ARID1B: variants seen among roughly 807,000 people sequenced by gnomAD.
ARID1B encodes AT-rich interaction domain 1B.
A neutral mutation model predicts 212.3 loss-of-function variants in ARID1B; 30 were observed. The ratio of observed to expected loss-of-function variants is 0.14; its 90% CI spans 0.11 to 0.19. The LOEUF is 0.19. ARID1B is among the 10% of genes least tolerant of loss of function. ARID1B has a pLI of 1.00. For synonymous variants in ARID1B, 1,402 were observed against 1,301.7 expected (o/e 1.08, Z -1.66); for missense variants, 2,891 against 3,204.0 (o/e 0.90, Z 2.36).
At chr6:157,142,795 C>G (rs2128614423) in intron 7 of ARID1B, among the ~76,000 whole-genome samples, 1 of 152,230 alleles carries the variant, frequency 6.6e-6, no homozygotes, top group East Asian at 1.9e-4. Flanking sequence ...CTTTTTTCCA[C>G]AAGGGTAAGA....
chr6:156,980,704 T>A (rs746419766), intron 4 of ARID1B, among the ~76,000 whole-genome samples: 1 of 151,442 alleles, frequency 6.6e-6, no homozygotes, highest in African/African-American at 2.4e-5. Flanking sequence ...ATCCCTGGAG[T>A]GGAGGGACGG....
chr6:156,814,836 C>T (rs888166529), intron 1 of ARID1B, among the ~76,000 whole-genome samples: 3 of 152,064 alleles, frequency 2.0e-5, no homozygotes, highest in Non-Finnish European at 4.4e-5. Flanking sequence ...ATTAAAAATC[C>T]CCTTTCATCC....
rs1778911462 is a variant in ARID1B, at chr6:156,778,856, C to T, written c.1176C>T (p.Gly392=). ...ACAGCCGGCCCGGCGCGGGCGGCGG[C>T]GGCGGCGGCGGCGGCGGAGGAGGAG... ...PGYSRPGAGG[G]GGGGGGGGGG... is the part of the protein sequence containing the mutation. Residue 392 remains glycine (G), a synonymous_variant, in exon 1 of 20, where the codon GGC becomes GGT. Coordinates refer to ENST00000636930, the MANE Select transcript of ARID1B (RefSeq NM_001374828.1). 1 of 1,393,722 alleles carries T rather than the reference C, an allele frequency of 7.2e-7. No homozygotes were observed. Among genetic ancestry groups the T allele is most frequent in the Admixed American group, 3.2e-5 (1 of 31,584 alleles). 86.3% of individuals were successfully genotyped at this position (1,393,722 alleles called of 1,614,324 possible).
intron 3 of ARID1B, among the ~76,000 whole-genome samples, chr6:156,904,699 G>C (rs1039511588): frequency 6.6e-6 from 1 of 152,200 alleles, no homozygotes; most frequent in Non-Finnish European, 1.5e-5. Flanking sequence ...AATATGAAAT[G>C]CTCCAAAATC....
At chr6:157,080,499 C>T (rs1226929243) in intron 4 of ARID1B, among the ~76,000 whole-genome samples, 1 of 152,194 alleles carries the variant, frequency 6.6e-6, no homozygotes, top group African/African-American at 2.4e-5. Flanking sequence ...TACTTAATAT[C>T]TATTTCAATT....
intron 4 of ARID1B, chr6:156,940,061 A>G (rs1792552322): frequency 6.6e-6 from 1 of 152,156 alleles, no homozygotes; most frequent in African/African-American, 2.4e-5. Flanking sequence ...AAAATAACTA[A>G]TTTGTTTTAT....
At chr6:157,186,246 C>T (rs912414925) in intron 13 of ARID1B, 10 of 341,594 alleles carry the variant, frequency 2.9e-5, no homozygotes, top group Middle Eastern at 1.0e-3. Context: ...AACAGCCAGC[C>T]GTTCCCTTTT....
At chr6:156,850,762 A>G (rs910732862) in intron 2 of ARID1B, among the ~76,000 whole-genome samples, 1 of 152,248 alleles carries the variant, frequency 6.6e-6, no homozygotes, top group African/African-American at 2.4e-5. Context: ...ACCTGGTTGA[A>G]GCAGTTAAAC....
At chr6:156,863,604 C>T (rs17318796) in intron 2 of ARID1B, among the ~76,000 whole-genome samples, 3,732 of 152,064 alleles carry the variant, frequency 0.025, 55 homozygotes, top group Middle Eastern at 0.092. Context: ...ATATATCAAA[C>T]TCTCCTGTGA....
At chr6:156,783,198 A>T (rs1779400164) in intron 1 of ARID1B, among the ~76,000 whole-genome samples, 1 of 152,036 alleles carries the variant, frequency 6.6e-6, no homozygotes, top group Admixed American at 6.5e-5. Context: ...TCTCAATGTC[A>T]TAGTGTATCA....
intron 4 of ARID1B, among the ~76,000 whole-genome samples, chr6:157,038,630 C>T (rs960286427): frequency 6.6e-6 from 1 of 152,038 alleles, no homozygotes; most frequent in African/African-American, 2.4e-5. Flanking sequence ...TAAATAGAAC[C>T]TAATTCAGTA....
At chr6:156,833,193 A>G (rs140705234) in intron 2 of ARID1B, among the ~76,000 whole-genome samples, 306 of 152,260 alleles carry the variant, frequency 2.0e-3, no homozygotes, top group African/African-American at 6.8e-3. Flanking sequence ...TAAGGTTACT[A>G]GAATCTGACT....
In ARID1B at chr6:157,146,581, TTTC is replaced by T. The variant is rs545369701; in HGVS notation, c.2762-2040_2762-2038del. Among the ~76,000 whole-genome samples the T allele has an allele frequency of 1.4e-4, 21 of 152,334 alleles. No homozygotes were observed. The East Asian group carries it at 4.1e-3, about 29-fold the overall frequency. On this transcript the variant is annotated intron_variant, in intron 7 of 19. Coordinates refer to ENST00000636930, the MANE Select transcript of ARID1B (RefSeq NM_001374828.1). ...CATGCTTTGTTTTGCTTTTATCCTT[TTTC>T]TTGTTTTCACCCTTGCTGCTTTACT...
chr6:156,997,480 A>G (rs531779340), intron 4 of ARID1B, among the ~76,000 whole-genome samples: 3 of 152,294 alleles, frequency 2.0e-5, no homozygotes, highest in East Asian at 3.9e-4. Flanking sequence ...ATAGCACTTT[A>G]TAGCTTTCGG....
rs1159440340 is a variant in ARID1B at position 157,209,465 on chromosome 6, T to A, written c.*1574T>A. Reference sequence around the variant, plus strand: ...AAATTACTTAGCTAATTAGTCTTTCTTTGAAGCAATTAACTCTAACGACAT... The same window carrying A: ...AAATTACTTAGCTAATTAGTCTTTCATTGAAGCAATTAACTCTAACGACAT... On this transcript the variant is annotated 3_prime_UTR_variant, in exon 20 of 20. Coordinates refer to ENST00000636930, the MANE Select transcript of ARID1B (RefSeq NM_001374828.1). 4.3e-6 allele frequency: 1 copy of A among 232,750 alleles called. No homozygotes were observed. Among genetic ancestry groups the A allele is most frequent in the East Asian group, 6.1e-5 (1 of 16,476 alleles). 14.4% of individuals were successfully genotyped at this position (232,750 alleles called of 1,614,324 possible).
intron 4 of ARID1B, among the ~76,000 whole-genome samples, chr6:156,988,181 A>G (rs1221254162): frequency 6.6e-6 from 1 of 152,222 alleles, no homozygotes; most frequent in Admixed American, 6.5e-5. Flanking sequence ...AGTAGTTACA[A>G]ACCGGGAGCT....
chr6:157,167,353 T>C, intron 9 of ARID1B, 168 bp downstream of exon 9: 1 of 660,900 alleles, frequency 1.5e-6, no homozygotes, highest in Non-Finnish European at 2.4e-6. Context: ...ATTTAAGACT[T>C]GAGAATTACA....
chr6:157,067,101 G>C (rs902963023), intron 4 of ARID1B, among the ~76,000 whole-genome samples: 6 of 152,170 alleles, frequency 3.9e-5, no homozygotes, highest in African/African-American at 1.4e-4. Flanking sequence ...TATTCTCACT[G>C]TTTGCCAAGC....
chr6:157,087,159 A>G (rs1245069374), intron 5 of ARID1B, among the ~76,000 whole-genome samples: 1 of 152,126 alleles, frequency 6.6e-6, no homozygotes, highest in Admixed American at 6.5e-5. Context: ...CAAAAGCTCC[A>G]CCTTTTTTTT....
Sources: gnomAD v4.1 joint callset for allele counts (sites outside exome capture counted in the v4.1 genomes callset) on GRCh38, gnomAD v4.1.1 for gene constraint, MANE v1.5 for transcripts, NCBI Gene and HGNC (gene_info 2026-07-23, HGNC 2026-07-21) for gene names.